The following PPARD variants were observed in gnomAD, a reference collection of about 807,000 sequenced individuals.
PPARD encodes the protein peroxisome proliferator activated receptor delta.
A neutral mutation model predicts 39.5 loss-of-function variants in PPARD; 6 were observed. The ratio of observed to expected loss-of-function variants is 0.15; its 90% confidence interval spans 0.08 to 0.30. The LOEUF (loss-of-function observed/expected upper bound fraction) is 0.30. Ranked by LOEUF, PPARD falls within the 10% of genes least tolerant of loss-of-function variation. The probability of loss-of-function intolerance (pLI) is 1.00; values close to 1 mark genes in which losing one functional copy is unlikely to be tolerated. For missense variants in PPARD, 397 were observed against 596.8 expected (o/e 0.67, Z 3.49); for synonymous variants, 210 against 231.3 (o/e 0.91, Z 0.83).
At chr6:35,407,602 T>G (rs535538779) in intron 2 of PPARD, among the ~76,000 whole-genome samples, 1 of 151,974 alleles carries the variant, frequency 6.6e-6, no homozygotes, top group East Asian at 1.9e-4. Flanking sequence ...GCATCGCACA[T>G]GTATATATAG....
At chr6:35,364,070 C>T (rs963416575) in intron 2 of PPARD, among the ~76,000 whole-genome samples, 1 of 152,132 alleles carries the variant, frequency 6.6e-6, no homozygotes, top group African/African-American at 2.4e-5. Context: ...TCAGCAGTTA[C>T]TCCATCCCTT....
chr6:35,421,809 T>C lies in PPARD; in HGVS notation c.286-11T>C. The C allele has an allele frequency of 6.2e-7, 1 of 1,603,766 alleles. No individual in the cohort carries two copies. Among genetic ancestry groups the C allele is most frequent in the African/African-American group, 1.3e-5 (1 of 74,792 alleles). Reference sequence around the variant, plus strand: ...CTGGTGGCCTTTCCTCACCTGTTCTTGGTGCTTCAGGGCTTCTTCCGTCGT... The same window carrying C: ...CTGGTGGCCTTTCCTCACCTGTTCTCGGTGCTTCAGGGCTTCTTCCGTCGT... On this transcript the variant is annotated splice_polypyrimidine_tract_variant and intron_variant, in intron 4 of 7. Transcript: ENST00000360694.
chr6:35,424,843 A>G lies in PPARD; in HGVS notation c.1078+64A>G, dbSNP rs796552370. 5.1e-5 allele frequency: 79 copies of G among 1,562,176 alleles called. No individual in the cohort carries two copies. In the African/African-American group the frequency reaches 9.5e-4, roughly 19 times the overall value. On this transcript the variant is annotated intron_variant, in intron 7 of 7. Transcript: ENST00000360694. This position sits in a 1 kb window ranked among gnomAD's most constrained non-coding sequence, Gnocchi z 7.1. ...CCAGTCGTCCTGGGGGTTGGCCCTC[A>G]CTGCAGGGCACTGTGCCTGAGCTCT...
chr6:35,421,310 T>G (rs1429940739), intron 4 of PPARD, among the ~76,000 whole-genome samples: 3 of 27,908 alleles, frequency 1.1e-4, no homozygotes, highest in East Asian at 5.7e-4. Flanking sequence ...AATAGTTGTG[T>G]TTTTTTTTTG....
chr6:35,424,169 G>C lies in PPARD; in HGVS notation c.627+21G>C, dbSNP rs1176096140. ...CGGCGGTGAGTGTTGCTGCTGCTTG[G>C]CCTGGCAGCATCCTGGGCTCTGGGT... On this transcript the variant is annotated intron_variant, in intron 6 of 7. Coordinates refer to ENST00000360694, the MANE Select transcript of PPARD (RefSeq NM_006238.5). The surrounding 1 kb of genome is among the most constrained non-coding windows in gnomAD (Gnocchi z 7.1). 3 of 1,610,480 alleles carry C rather than the reference G, an allele frequency of 1.9e-6. No homozygotes were observed. The highest frequency in any genetic ancestry group is 2.5e-6 in the Non-Finnish European group (3 of 1,179,582).
chr6:35,400,493 C>T (rs1184846390), intron 2 of PPARD, among the ~76,000 whole-genome samples: 1 of 152,122 alleles, frequency 6.6e-6, no homozygotes, highest in Non-Finnish European at 1.5e-5. Flanking sequence ...CTGTCCTAGT[C>T]TTAATTGTTT....
At chr6:35,347,296 TTATGCATAG>T in intron 2 of PPARD, 146 bp downstream of exon 2, 1 of 926,706 alleles carries the variant, frequency 1.1e-6, no homozygotes, top group Non-Finnish European at 1.6e-6. Flanking sequence ...TACCAGTTGC[TTATGCATAG>T]TATAGGCATT....
intron 3 of PPARD, among the ~76,000 whole-genome samples, chr6:35,413,341 C>T (rs537065174): frequency 6.6e-6 from 1 of 152,296 alleles, no homozygotes; most frequent in African/African-American, 2.4e-5. Context: ...TTAATAGATT[C>T]TGTTTATCAA....
At chr6:35,399,144 T>C (rs996382675) in intron 2 of PPARD, among the ~76,000 whole-genome samples, 1 of 152,056 alleles carries the variant, frequency 6.6e-6, no homozygotes, top group Non-Finnish European at 1.5e-5. Flanking sequence ...GGCTCATGCC[T>C]GTAATCCCAG....
At chr6:35,351,226 C>T (rs1761229986) in intron 2 of PPARD, among the ~76,000 whole-genome samples, 1 of 151,796 alleles carries the variant, frequency 6.6e-6, no homozygotes, top group South Asian at 2.1e-4. Context: ...GGGGTTTCAC[C>T]ATGTTAGCCA....
intron 3 of PPARD, among the ~76,000 whole-genome samples, chr6:35,413,949 G>C (rs548441998): frequency 8.2e-4 from 125 of 152,222 alleles, no homozygotes; most frequent in Middle Eastern, 3.4e-3. Context: ...AAAGTGTTGG[G>C]ATTTCAGGTG....
chr6:35,421,318 TTG>T lies in PPARD; in HGVS notation c.286-500_286-499del, dbSNP rs1371117027. ...CATTTAAAATAGTTGTGTTTTTTTT[TTG>T]TTTTGTTTTGTTTTATTTTGTTTTG... is the stretch of plus-strand genomic sequence containing the variant. On this transcript the variant is annotated intron_variant, in intron 4 of 7. Transcript: ENST00000360694. Among the ~76,000 whole-genome samples, 167 of 23,228 alleles carry T rather than the reference TTG, an allele frequency of 7.2e-3. 1 individual carries two copies. The highest frequency in any genetic ancestry group is 0.01 in the African/African-American group (162 of 15,580). 15.2% of individuals were successfully genotyped at this position (23,228 alleles called of 152,430 possible). A position where few individuals can be genotyped will look rare whatever the true frequency, so the allele number is the denominator to read the frequency against.
At chr6:35,388,768 A>G (rs2150653286) in intron 2 of PPARD, among the ~76,000 whole-genome samples, 1 of 152,274 alleles carries the variant, frequency 6.6e-6, no homozygotes, top group Admixed American at 6.5e-5. Flanking sequence ...CGGGCATTTC[A>G]GGCAGGAGAG....
chr6:35,343,208 A>T (rs575256086), intron 1 of PPARD, among the ~76,000 whole-genome samples: 2 of 149,900 alleles, frequency 1.3e-5, no homozygotes, highest in Non-Finnish European at 3.0e-5. Context: ...CTCAGGCTTT[A>T]CTCTCTCTCC....
intron 2 of PPARD, among the ~76,000 whole-genome samples, chr6:35,403,465 G>C (rs1299472749): frequency 1.3e-5 from 2 of 151,684 alleles, no homozygotes; most frequent in Admixed American, 6.6e-5. Context: ...ATTGCATCTC[G>C]ATGGCAGTAA....
chr6:35,377,955 C>A (rs1351654549), intron 2 of PPARD, among the ~76,000 whole-genome samples: 2 of 149,930 alleles, frequency 1.3e-5, no homozygotes, highest in Non-Finnish European at 2.9e-5. Flanking sequence ...CCTCTGCCTT[C>A]TGGGTTCAGG....
intron 2 of PPARD, among the ~76,000 whole-genome samples, chr6:35,408,939 GC>G (rs1765242901): frequency 6.6e-6 from 1 of 151,698 alleles, no homozygotes; most frequent in African/African-American, 2.4e-5. Flanking sequence ...TTCTGCCACT[GC>G]CCCCTTTCTG....
chr6:35,364,724 GT>G (rs112971007), intron 2 of PPARD, among the ~76,000 whole-genome samples: 19 of 141,740 alleles, frequency 1.3e-4, no homozygotes, highest in Admixed American at 2.8e-4. Context: ...TTTTTTGTTT[GT>G]TTTTTTTTTT....
chr6:35,376,267 C>T (rs1170778926), intron 2 of PPARD, among the ~76,000 whole-genome samples: 1 of 152,182 alleles, frequency 6.6e-6, no homozygotes, highest in African/African-American at 2.4e-5. Flanking sequence ...TTGGCTTTCT[C>T]GTTTTCTCTA....
Sources: allele counts gnomAD v4.1 joint callset (sites outside exome capture counted in the v4.1 genomes callset), GRCh38; gene constraint gnomAD v4.1.1; non-coding constraint Gnocchi (gnomAD v3.1); transcripts MANE v1.5; gene names NCBI Gene and HGNC (gene_info 2026-07-23, HGNC 2026-07-21).